The following NSD3 variants were observed in gnomAD, a reference collection of about 807,000 sequenced individuals.
The protein encoded by NSD3 is histone-lysine N-methyltransferase NSD3.
In NSD3, 24 loss-of-function variants were observed where a neutral mutation model predicts 160.8. The observed-to-expected ratio is 0.15, with a 90% CI of 0.11 to 0.21. NSD3 has a LOEUF of 0.21. NSD3 is among the 10% of genes least tolerant of loss of function. NSD3 has a pLI of 1.00. For synonymous variants in NSD3, 520 were observed against 600.0 expected, an observed-to-expected ratio of 0.87 and a Z score of 1.95; for missense variants, 1,157 against 1,735.9, an observed-to-expected ratio of 0.67 and a Z score of 5.93.
Position 38,272,161 on chromosome 8 carries a change from T to A in NSD3, c.*3480A>T, listed in dbSNP as rs1808498149. 6.6e-6 allele frequency: 1 copy of A among 152,242 alleles called. No individual in the cohort carries two copies. Among genetic ancestry groups the A allele is most frequent in the Admixed American group, 6.5e-5 (1 of 15,286 alleles). The allele number at this position is 152,242 out of a possible 1,614,324, so 9.4% of individuals were successfully genotyped here. The stretch of plus-strand genomic sequence containing the variant: ...TTATTTACAGACATGTTTTCAAATA[T>A]TTTGTGTAAATGGCAGAAGGGAGCT... On this transcript the variant is annotated 3_prime_UTR_variant, in exon 24 of 24. Transcript: ENST00000317025.
intron 4 of NSD3, among the ~76,000 whole-genome samples, chr8:38,335,137 G>A (rs943077568): frequency 3.3e-5 from 5 of 151,868 alleles, no homozygotes; most frequent in Non-Finnish European, 5.9e-5. Flanking sequence ...AGAGGCATGC[G>A]CCAAAACGCC....
chr8:38,310,825 C>A (rs1269275557), intron 12 of NSD3, among the ~76,000 whole-genome samples: 1 of 151,860 alleles, frequency 6.6e-6, no homozygotes, highest in African/African-American at 2.4e-5. Context: ...TCTTTCAGTT[C>A]TTTTGGGTAT....
At chr8:38,358,667 T>A (rs763356360) in intron 1 of NSD3, among the ~76,000 whole-genome samples, 2 of 152,168 alleles carry the variant, frequency 1.3e-5, no homozygotes, top group Non-Finnish European at 2.9e-5. Flanking sequence ...GAGAAAGCTA[T>A]CAAATATATT....
At position 38,275,154 on chromosome 8, in the gene NSD3, T is replaced by C; in HGVS notation, c.*487A>G. 4.2e-6 allele frequency: 1 copy of C among 240,508 alleles called. No individual in the cohort carries two copies. Among genetic ancestry groups the C allele is most frequent in the Non-Finnish European group, 8.1e-6 (1 of 122,928 alleles). The allele number at this position is 240,508 out of a possible 1,614,324, so 14.9% of individuals were successfully genotyped here. On this transcript the variant is annotated 3_prime_UTR_variant, in exon 24 of 24. Coordinates refer to ENST00000317025, the MANE Select transcript of NSD3 (RefSeq NM_023034.2). ...AGGTATATAAAGCTTATCATACCCTTTCCTAGAGGGCTTTCTCAGATTCCT... is the reference window on the plus strand; with the variant it reads ...AGGTATATAAAGCTTATCATACCCTCTCCTAGAGGGCTTTCTCAGATTCCT...
At chr8:38,362,251 T>C (rs1810984752) in intron 1 of NSD3, among the ~76,000 whole-genome samples, 1 of 1,402 alleles carries the variant, frequency 7.1e-4, no homozygotes, top group Non-Finnish European at 1.5e-3. Context: ...AGTATTACAG[T>C]AAGGCGGGGG....
chr8:38,350,455 C>T (rs1445139963), intron 1 of NSD3, among the ~76,000 whole-genome samples: 1 of 152,088 alleles, frequency 6.6e-6, no homozygotes, highest in Non-Finnish European at 1.5e-5. Context: ...AGCATTTTTT[C>T]GTGTGTCTGT....
At position 38,342,666 on chromosome 8, in the gene NSD3, C is replaced by T. The variant is rs1282454122; in HGVS notation, c.676-4059G>A. On this transcript the variant is annotated intron_variant, in intron 2 of 23. Coordinates refer to ENST00000317025, the MANE Select transcript of NSD3 (RefSeq NM_023034.2). ...CACTACAACCTCTGCCTCCCAGGTT[C>T]AAGCGATTCTCCTGCCTCAGCCTCC... Among the ~76,000 whole-genome samples the T allele has an allele frequency of 2.6e-5, 4 of 151,810 alleles. No individual in the cohort carries two copies. The East Asian group carries it at 7.9e-4, about 30-fold the overall frequency.
Position 38,299,596 on chromosome 8 carries a change from C to T in NSD3, c.2612-6G>A, listed in dbSNP as rs184346566. On this transcript the variant is annotated splice_polypyrimidine_tract_variant and splice_region_variant and intron_variant, in intron 14 of 23. Transcript: ENST00000317025. ...ATGGTCCTGAACTATCAGCCCTATA[C>T]GAAACAAACAGAAAGAGATGAGCTG... 172 of 1,530,878 alleles carry T rather than the reference C, an allele frequency of 1.1e-4. No homozygotes were observed. The highest frequency in any genetic ancestry group is 1.7e-4 in the African/African-American group (12 of 71,702). The allele number at this position is 1,530,878 out of a possible 1,614,324, so 94.8% of individuals were successfully genotyped here. A position where few individuals can be genotyped will look rare whatever the true frequency, so the allele number is the denominator to read the frequency against.
rs201611084 is a variant in NSD3, at chr8:38,315,981, A to G, written c.1917T>C (p.Asp639=). ...TGTATGCTGAACTAGTCATTTCTACATCAGTTGAGGCGCGACTCCTTTTCT... is the reference window on the plus strand; with the variant it reads ...TGTATGCTGAACTAGTCATTTCTACGTCAGTTGAGGCGCGACTCCTTTTCT... The part of the protein sequence containing the change: ...PLKKRSRAST[D]VEMTSSAYRD... Residue 639 remains aspartate (D), a synonymous_variant, in exon 10 of 24, where the codon GAT becomes GAC. Transcript: ENST00000317025. 294 of 1,613,636 alleles carry G rather than the reference A, an allele frequency of 1.8e-4. 2 individuals are homozygous for G. The East Asian group carries it at 6.3e-3, about 34-fold the overall frequency.
intron 5 of NSD3, 139 bp from the exon 6 acceptor site, chr8:38,330,032 G>T: frequency 1.1e-6 from 1 of 946,952 alleles, no homozygotes; most frequent in Non-Finnish European, 1.5e-6. Flanking sequence ...CAAGTGGAAT[G>T]TTCTATCTCC....
In NSD3 at chr8:38,278,485, C is replaced by T. The variant is rs138094300; in HGVS notation, c.3761-73G>A. ...GAAAAGCTCTCACAGGCACACTCCC[C>T]TAATGAAAAAAAGAGACATCATTTT... On this transcript the variant is annotated intron_variant, in intron 21 of 23. Coordinates refer to ENST00000317025, the MANE Select transcript of NSD3 (RefSeq NM_023034.2). 164 of 1,284,138 alleles carry T rather than the reference C, an allele frequency of 1.3e-4. 2 individuals carry two copies. In the East Asian group the frequency reaches 4.2e-3, roughly 33 times the overall value. 79.5% of individuals were successfully genotyped at this position (1,284,138 alleles called of 1,614,324 possible). A position where few individuals can be genotyped will look rare whatever the true frequency, so the allele number is the denominator to read the frequency against.
Position 38,289,427 on chromosome 8 carries a change from T to G in NSD3, c.3197A>C (p.Asn1066Thr). ...ESKEALEIEK[N>T]SRKPPPYKHI... ...TTTGTAGGGAGGGGGTTTTCTTGAG[T>G]TTTTTTCAATCTCTAGGGCTTCTTT... is the stretch of plus-strand genomic sequence containing the variant. Residue 1066 changes from asparagine to threonine, a missense_variant, in exon 18 of 24, where the codon AAC becomes ACC. Asn to Thr is a moderately conservative substitution (Grantham distance 65). This residue lies in a region of NSD3 where 437 missense variants were observed against 576.6 expected (regional missense o/e 0.76). Transcript: ENST00000317025. 6.2e-7 allele frequency: 1 copy of G among 1,613,708 alleles called. No individual in the cohort carries two copies. Among genetic ancestry groups the G allele is most frequent in the Non-Finnish European group, 8.5e-7 (1 of 1,179,900 alleles).
At chr8:38,279,883 A>G (rs149232852) in intron 20 of NSD3, 110 of 537,126 alleles carry the variant, frequency 2.0e-4, no homozygotes, top group African/African-American at 1.9e-3. Flanking sequence ...TAATTAGGAT[A>G]AAGTGGGATT....
rs1215365666 is a variant in NSD3 at position 38,272,550 on chromosome 8, G to C, written c.*3091C>G. On this transcript the variant is annotated 3_prime_UTR_variant, in exon 24 of 24. Coordinates refer to ENST00000317025, the MANE Select transcript of NSD3 (RefSeq NM_023034.2). ...CCCCTCCCTCCCCTGCACAGTGCCT[G>C]AGAAAGTTTCCCAGGATTTCATCTT... The C allele has an allele frequency of 6.6e-6, 1 of 152,206 alleles. No homozygotes were observed. The highest frequency in any genetic ancestry group is 1.5e-5 in the Non-Finnish European group (1 of 68,050). 9.4% of individuals were successfully genotyped at this position (152,206 alleles called of 1,614,324 possible).
chr8:38,330,857 AC>A (rs1411405664), intron 5 of NSD3, among the ~76,000 whole-genome samples: 1 of 152,202 alleles, frequency 6.6e-6, no homozygotes, highest in African/African-American at 2.4e-5. Flanking sequence ...TGATTCCATC[AC>A]TTGTGTGATC....
chr8:38,375,562 A>G (rs1811368390), intron 1 of NSD3, among the ~76,000 whole-genome samples: 1 of 152,166 alleles, frequency 6.6e-6, no homozygotes, highest in Admixed American at 6.5e-5. Flanking sequence ...CAACAGTAAA[A>G]ATGAAAACAA....
At chr8:38,313,997 A>G (rs1320220313) in intron 12 of NSD3, among the ~76,000 whole-genome samples, 1 of 152,064 alleles carries the variant, frequency 6.6e-6, no homozygotes, top group Non-Finnish European at 1.5e-5. Context: ...AAAACAAAGC[A>G]AAACAAAAAA....
chr8:38,315,786 C>T lies in NSD3; in HGVS notation c.1986+126G>A. The T allele has an allele frequency of 6.4e-6, 9 of 1,400,228 alleles. No homozygotes were observed. The South Asian group carries it at 7.2e-5, about 11-fold the overall frequency. 86.7% of individuals were successfully genotyped at this position (1,400,228 alleles called of 1,614,324 possible). A position where few individuals can be genotyped will look rare whatever the true frequency, so the allele number is the denominator to read the frequency against. ...ACATGAGAGCAAAAGAATTAAGACACTCAAAATAAACAAAGTGATTTTTTT... is the reference window on the plus strand; with the variant it reads ...ACATGAGAGCAAAAGAATTAAGACATTCAAAATAAACAAAGTGATTTTTTT... On this transcript the variant is annotated intron_variant, in intron 10 of 23. Transcript: ENST00000317025.
In NSD3 at chr8:38,298,091, T is replaced by TA. The variant is rs1462345810; in HGVS notation, c.2758+1352dup. 2.0e-5 allele frequency among the ~76,000 whole-genome samples: 3 copies of TA among 152,102 alleles called. No individual in the cohort carries two copies. In the East Asian group the frequency reaches 5.8e-4, roughly 29 times the overall value. ...TTGGTGCTATGCAAGAAAACTAGGA[T>TA]ACAAGAGAAGTAAGATATGGTTCAA... On this transcript the variant is annotated intron_variant, in intron 15 of 23. Transcript: ENST00000317025.
Sources: allele counts gnomAD v4.1 joint callset (sites outside exome capture counted in the v4.1 genomes callset), GRCh38; gene constraint gnomAD v4.1.1; regional missense constraint gnomAD v4.1.1; transcripts MANE v1.5; gene names NCBI Gene and HGNC (gene_info 2026-07-23, HGNC 2026-07-21).